The following ZC3H12B variants were observed in gnomAD, a reference collection of about 807,000 sequenced individuals.
ZC3H12B encodes the protein zinc finger CCCH-type containing 12B.
A neutral mutation model predicts 43.9 loss-of-function variants in ZC3H12B; 7 were observed. That is an observed-to-expected ratio of 0.16 (90% CI 0.09 to 0.30). The LOEUF (loss-of-function observed/expected upper bound fraction) is 0.30, where lower values mean the gene tolerates loss of function less well. Among genes scored for constraint, ZC3H12B ranks in the 10% least tolerant of loss-of-function variants. The pLI is 1.00. For synonymous variants in ZC3H12B, 222 were observed against 241.7 expected, an observed-to-expected ratio of 0.92 and a Z score of 0.76; for missense variants, 475 against 670.2, an observed-to-expected ratio of 0.71 and a Z score of 3.22.
the ZC3H12B span, among the ~76,000 whole-genome samples, chrX:65,158,794 A>C: frequency 8.9e-6 from 1 of 111,745 alleles, no homozygotes; most frequent in South Asian, 3.7e-4. Context: ...CCATTTGTCA[A>C]TTTTGGCTTT....
the ZC3H12B span, among the ~76,000 whole-genome samples, chrX:65,151,531 T>G: frequency 6.2e-5 from 7 of 112,127 alleles, no homozygotes; most frequent in East Asian, 1.7e-3. Context: ...TTTTGAATTT[T>G]TAATTACTCA....
At chrX:65,318,634 C>G in the ZC3H12B span, among the ~76,000 whole-genome samples, 9 of 110,736 alleles carry the variant, frequency 8.1e-5, no homozygotes, top group Admixed American at 8.7e-4. Context: ...TGACCAGGCT[C>G]GTCTTGAACT....
At chrX:65,388,677 G>T (rs1273698123) in intron 2 of ZC3H12B, among the ~76,000 whole-genome samples, 2 of 111,821 alleles carry the variant, frequency 1.8e-5, no homozygotes, top group African/African-American at 6.5e-5. Flanking sequence ...TTGTTCCATT[G>T]CTGGTGAGGA....
the ZC3H12B span, among the ~76,000 whole-genome samples, chrX:65,040,124 A>G: frequency 9.0e-6 from 1 of 111,424 alleles, no homozygotes; most frequent in Non-Finnish European, 1.9e-5. Context: ...TCTTTTTGGA[A>G]TTAATTTTTC....
intron 3 of ZC3H12B, among the ~76,000 whole-genome samples, chrX:65,417,772 T>A (rs2066977570): frequency 8.8e-6 from 1 of 113,113 alleles, no homozygotes; most frequent in African/African-American, 3.2e-5. Flanking sequence ...ATGAGCATCC[T>A]GAGCATTTCA....
chrX:65,190,518 C>G, the ZC3H12B span, among the ~76,000 whole-genome samples: 1 of 108,135 alleles, frequency 9.2e-6, no homozygotes, highest in Non-Finnish European at 1.9e-5. Flanking sequence ...CTTCACATCC[C>G]TTGTAAGTTG....
chrX:65,190,010 A>T, the ZC3H12B span, among the ~76,000 whole-genome samples: 1 of 111,128 alleles, frequency 9.0e-6, no homozygotes, highest in Admixed American at 9.6e-5. Context: ...TCAGCTTCCT[A>T]CATATGGCTA....
chrX:65,125,306 A>G, the ZC3H12B span, among the ~76,000 whole-genome samples: 2 of 111,488 alleles, frequency 1.8e-5, no homozygotes, highest in Non-Finnish European at 3.8e-5. Flanking sequence ...TGGTTTTGGA[A>G]GTTCCTTTTG....
the ZC3H12B span, chrX:65,272,914 A>G: frequency 8.9e-6 from 1 of 112,281 alleles, no homozygotes; most frequent in East Asian, 2.8e-4. Flanking sequence ...CATTCTTAAC[A>G]TTTTAGAAGA....
At chrX:65,361,800 T>C (rs1383327537), upstream of ZC3H12B, among the ~76,000 whole-genome samples, 3 of 110,979 alleles carry the variant, frequency 2.7e-5, no homozygotes, top group Non-Finnish European at 5.7e-5. Flanking sequence ...CAGGACTTAA[T>C]TAACCTCGCC....
the ZC3H12B span, among the ~76,000 whole-genome samples, chrX:65,051,550 A>G: frequency 2.7e-5 from 3 of 111,789 alleles, no homozygotes; most frequent in Admixed American, 9.6e-5. Flanking sequence ...TTTCACCTAG[A>G]TTAAATTTTG....
chrX:65,229,047 T>C, the ZC3H12B span, among the ~76,000 whole-genome samples: 5 of 110,532 alleles, frequency 4.5e-5, 1 homozygote, highest in African/African-American at 1.6e-4. Flanking sequence ...AAAGTTCATA[T>C]GGAACCAAAA....
At chrX:65,161,422 C>G in the ZC3H12B span, among the ~76,000 whole-genome samples, 1 of 111,456 alleles carries the variant, frequency 9.0e-6, no homozygotes, top group Non-Finnish European at 1.9e-5. Flanking sequence ...TCACTCAGGA[C>G]TTGCTTTATG....
chrX:65,400,824 G>A lies in ZC3H12B; in HGVS notation n.407+2120G>A, dbSNP rs774108345. Reference sequence around the variant, plus strand: ...TAATCTGGATAATAATCTCTACCTGGTGATAATTCATCTCAGGGAAGAATT... The same window carrying A: ...TAATCTGGATAATAATCTCTACCTGATGATAATTCATCTCAGGGAAGAATT... On this transcript the variant is annotated intron_variant and non_coding_transcript_variant, in intron 3 of 5. Transcript: ENST00000617377. Among the ~76,000 whole-genome samples the A allele has an allele frequency of 6.3e-5, 7 of 111,625 alleles. 1 individual carries two copies. The East Asian group carries it at 2.0e-3, about 31-fold the overall frequency.
the ZC3H12B span, among the ~76,000 whole-genome samples, chrX:65,214,071 G>C: frequency 1.8e-5 from 2 of 110,643 alleles, no homozygotes; most frequent in South Asian, 7.6e-4. Flanking sequence ...TATTTCAAAG[G>C]TACTTTATTG....
chrX:65,443,839 T>C (rs923689227), intron 3 of ZC3H12B, among the ~76,000 whole-genome samples: 7 of 112,680 alleles, frequency 6.2e-5, no homozygotes, highest in Non-Finnish European at 1.1e-4. Context: ...TTGGGGGACT[T>C]GCTCCCAACA....
At chrX:65,075,639 C>T in the ZC3H12B span, among the ~76,000 whole-genome samples, 4 of 111,825 alleles carry the variant, frequency 3.6e-5, no homozygotes, top group African/African-American at 6.5e-5. Flanking sequence ...TTCACCCTCT[C>T]GTTCTATGCC....
At chrX:65,471,445 ATTTTTT>A (rs781370409) in intron 3 of ZC3H12B, among the ~76,000 whole-genome samples, 1 of 61,082 alleles carries the variant, frequency 1.6e-5, no homozygotes, top group African/African-American at 7.4e-5. Flanking sequence ...TTGGTTTGTG[ATTTTTT>A]TTTTTTTTTT....
the ZC3H12B span, among the ~76,000 whole-genome samples, chrX:65,099,805 A>G: frequency 1.8e-5 from 2 of 111,601 alleles, no homozygotes; most frequent in Admixed American, 9.5e-5. Context: ...TGAAAATTCC[A>G]AAAACAAGAA....
Sources: allele counts gnomAD v4.1 joint callset (sites outside exome capture counted in the v4.1 genomes callset), GRCh38; gene constraint gnomAD v4.1.1; transcripts MANE v1.5; gene names NCBI Gene and HGNC (gene_info 2026-07-23, HGNC 2026-07-21).